Variants in TMEM242 observed in about 807,000 individuals in gnomAD.
TMEM242 encodes the protein UPF0463 transmembrane protein C6orf35.
Under a neutral mutation model 18.2 loss-of-function variants are expected in TMEM242, and 10 were observed. The observed-to-expected ratio is 0.55, with a 90% CI of 0.34 to 0.93. TMEM242 has a LOEUF of 0.93. Ranked by LOEUF, TMEM242 falls within the 40% of genes least tolerant of loss-of-function variation. The probability of loss-of-function intolerance (pLI) is 0.02; values close to 1 mark genes in which losing one functional copy is unlikely to be tolerated. For missense variants in TMEM242, 186 were observed against 175.5 expected, an observed-to-expected ratio of 1.06 and a Z score of -0.34; for synonymous variants, 57 against 69.9, an observed-to-expected ratio of 0.81 and a Z score of 0.92.
At chr6:157,301,990 G>C (rs1401016435) in intron 3 of TMEM242, among the ~76,000 whole-genome samples, 1 of 152,130 alleles carries the variant, frequency 6.6e-6, no homozygotes, top group Non-Finnish European at 1.5e-5. Context: ...AGGAGTTGGT[G>C]AGGGTGGGAA....
intron 2 of TMEM242, 78 bp downstream of exon 2, chr6:157,322,627 A>G: frequency 8.3e-7 from 1 of 1,210,026 alleles, no homozygotes; most frequent in Non-Finnish European, 1.2e-6. Context: ...GACCATCAAT[A>G]TTTTATTTTT....
At chr6:157,299,004 T>C (rs1777789118) in intron 3 of TMEM242, 1 of 274,798 alleles carries the variant, frequency 3.6e-6, no homozygotes, top group Non-Finnish European at 7.4e-6. Flanking sequence ...CCTATATCTA[T>C]GATCTCTTCA....
intron 3 of TMEM242, among the ~76,000 whole-genome samples, chr6:157,316,566 G>C (rs782165144): frequency 6.6e-6 from 1 of 152,130 alleles, no homozygotes; most frequent in Non-Finnish European, 1.5e-5. Context: ...TGATTAGCCA[G>C]CAAAGTTAAC....
At chr6:157,312,477 GCC>G (rs1562384899) in intron 3 of TMEM242, among the ~76,000 whole-genome samples, 78 of 131,722 alleles carry the variant, frequency 5.9e-4, no homozygotes, top group African/African-American at 2.2e-3. Context: ...CACTCACCTA[GCC>G]TCATCATAGT....
intron 3 of TMEM242, among the ~76,000 whole-genome samples, chr6:157,304,539 A>T (rs1476228295): frequency 6.7e-6 from 1 of 149,708 alleles, no homozygotes; most frequent in African/African-American, 2.5e-5. Flanking sequence ...AAGTGATGTG[A>T]TCAGATTGCA....
At chr6:157,322,838 TA>T (rs782701143) in intron 1 of TMEM242, 33 bp from the exon 2 acceptor site, 41 of 1,538,378 alleles carry the variant, frequency 2.7e-5, no homozygotes, top group Middle Eastern at 1.7e-4. Context: ...GGGGGGATAT[TA>T]AAAAAAATTA....
chr6:157,312,355 A>AGTGTCCCAG, intron 3 of TMEM242, among the ~76,000 whole-genome samples: 1 of 11,006 alleles, frequency 9.1e-5, no homozygotes, highest in South Asian at 2.2e-3. Context: ...TAGCCTCATC[A>AGTGTCCCAG]TGTCCCAGTG....
In TMEM242 at chr6:157,323,471, T is replaced by A; in HGVS notation, c.29A>T (p.Gln10Leu). The A allele has an allele frequency of 1.2e-6, 2 of 1,614,010 alleles. No individual in the cohort carries two copies. Among genetic ancestry groups the A allele is most frequent in the South Asian group, 1.1e-5 (1 of 91,080 alleles). The change falls in exon 1 of 4, where the codon CAG (glutamine) becomes CTG (leucine). Residue 10 changes from glutamine (Q) to leucine (L), a missense_variant. Coordinates refer to ENST00000400788, the MANE Select transcript of TMEM242 (RefSeq NM_018452.6). ...CGGAGCCTCCAGCCCAGAGGCCGGCTGCCCAGTTGCAGCGCCCGCTGTCTC... is the reference window on the plus strand; with the variant it reads ...CGGAGCCTCCAGCCCAGAGGCCGGCAGCCCAGTTGCAGCGCCCGCTGTCTC... METAGAATG[Q>L]PASGLEAPGS...
chr6:157,297,529 T>C (rs781793221), intron 3 of TMEM242, among the ~76,000 whole-genome samples: 34 of 152,198 alleles, frequency 2.2e-4, no homozygotes, highest in Non-Finnish European at 4.6e-4. Context: ...ACCACCACTC[T>C]TCTCTTCCCA....
chr6:157,303,719 C>T (rs1170663223), intron 3 of TMEM242, among the ~76,000 whole-genome samples: 2 of 150,236 alleles, frequency 1.3e-5, no homozygotes, highest in East Asian at 3.9e-4. Flanking sequence ...CCAGCATGAA[C>T]ACAATTATTT....
At chr6:157,294,003 GCACCA>G (rs1777717218) in intron 3 of TMEM242, among the ~76,000 whole-genome samples, 1 of 152,102 alleles carries the variant, frequency 6.6e-6, no homozygotes, top group Admixed American at 6.5e-5. Context: ...TCACAGGCGT[GCACCA>G]CCGCGCCCAG....
At chr6:157,310,747 T>C (rs1042337284) in intron 3 of TMEM242, among the ~76,000 whole-genome samples, 7 of 129,770 alleles carry the variant, frequency 5.4e-5, no homozygotes, top group Admixed American at 1.5e-4. Context: ...TGTCCCAGTG[T>C]GCACTCACCC....
chr6:157,312,632 G>GTC (rs1778204949), intron 3 of TMEM242, among the ~76,000 whole-genome samples: 6 of 149,444 alleles, frequency 4.0e-5, no homozygotes, highest in Non-Finnish European at 4.5e-5. Context: ...TAGTGTCGCA[G>GTC]TGTGCACTCA....
chr6:157,302,244 A>G (rs1554247579), intron 3 of TMEM242, among the ~76,000 whole-genome samples: 2 of 152,204 alleles, frequency 1.3e-5, no homozygotes, highest in Non-Finnish European at 2.9e-5. Flanking sequence ...TTTTAGAGGA[A>G]TCCTTTAAAA....
chr6:157,309,082 T>G (rs1371466904), intron 3 of TMEM242, among the ~76,000 whole-genome samples: 2 of 152,154 alleles, frequency 1.3e-5, no homozygotes, highest in African/African-American at 4.8e-5. Flanking sequence ...GTGATGGAGA[T>G]TGATATACTC....
At chr6:157,322,651 T>C in intron 2 of TMEM242, 54 bp downstream of exon 2, 3 of 1,456,214 alleles carry the variant, frequency 2.1e-6, no homozygotes, top group East Asian at 2.3e-5. Context: ...ACGCAAAAGC[T>C]GCCATATATT....
chr6:157,310,577 TGCGCTCACCCGGCCTCATCATA>T (rs1778000240), intron 3 of TMEM242, among the ~76,000 whole-genome samples: 1 of 147,372 alleles, frequency 6.8e-6, no homozygotes, highest in African/African-American at 2.7e-5. Flanking sequence ...TGCCCCAGTG[TGCGCTCACCCGGCCTCATCATA>T]GTGCCCCAGT....
intron 3 of TMEM242, chr6:157,300,160 G>A: frequency 1.8e-6 from 1 of 554,844 alleles, no homozygotes; most frequent in Non-Finnish European, 3.3e-6. Flanking sequence ...GGAGAGAATG[G>A]AAGAAAACTG....
intron 3 of TMEM242, among the ~76,000 whole-genome samples, chr6:157,310,111 G>A (rs1379301659): frequency 1.3e-5 from 2 of 152,184 alleles, no homozygotes; most frequent in Non-Finnish European, 2.9e-5. Flanking sequence ...ACTCAAGGTA[G>A]TCTAGCTATA....
Sources: allele counts gnomAD v4.1 joint callset (sites outside exome capture counted in the v4.1 genomes callset), GRCh38; gene constraint gnomAD v4.1.1; transcripts MANE v1.5; gene names NCBI Gene and HGNC (gene_info 2026-07-23, HGNC 2026-07-21).